The following CEP350 variants were observed in gnomAD, a reference collection of about 807,000 sequenced individuals.
CEP350 encodes centrosomal protein 350.
In CEP350, 126 loss-of-function variants were observed where a neutral mutation model predicts 331.8. The ratio of observed to expected loss-of-function variants is 0.38; its 90% confidence interval spans 0.33 to 0.44. The LOEUF is 0.44. CEP350 is among the 20% of genes least tolerant of loss of function. The pLI is 1.00. For synonymous variants in CEP350, 1,200 were observed against 1,259.5 expected (o/e 0.95, Z 1.00); for missense variants, 3,406 against 3,634.6 (o/e 0.94, Z 1.62).
At chr1:179,974,956 A>G (rs1281260685) in intron 1 of CEP350, among the ~76,000 whole-genome samples, 2 of 152,112 alleles carry the variant, frequency 1.3e-5, no homozygotes, top group East Asian at 3.9e-4. Context: ...GCACCACTGT[A>G]CTCCAGCCTG....
At chr1:180,083,355 T>A (rs187300971) in intron 30 of CEP350, among the ~76,000 whole-genome samples, 3 of 152,338 alleles carry the variant, frequency 2.0e-5, no homozygotes, top group Non-Finnish European at 4.4e-5. Flanking sequence ...TAATGAAATA[T>A]CTTTTTCATG....
At chr1:179,955,275 G>T in intron 1 of CEP350, 133 bp downstream of exon 1, 1 of 949,408 alleles carries the variant, frequency 1.1e-6, no homozygotes, top group Non-Finnish European at 1.3e-6. Context: ...CCTGCTTGGC[G>T]TCCCCCTCGG....
intron 3 of CEP350, among the ~76,000 whole-genome samples, chr1:179,989,133 A>G (rs1237233706): frequency 6.6e-6 from 1 of 152,044 alleles, no homozygotes; most frequent in African/African-American, 2.4e-5. Flanking sequence ...AATTATTCCA[A>G]TTTTTAAAAT....
At chr1:179,958,917 A>G (rs1185881226) in intron 1 of CEP350, among the ~76,000 whole-genome samples, 1 of 152,228 alleles carries the variant, frequency 6.6e-6, no homozygotes, top group Non-Finnish European at 1.5e-5. Flanking sequence ...AAAGGTCTAT[A>G]AGGATAGACA....
chr1:179,955,396 C>A (rs904706727), intron 1 of CEP350, among the ~76,000 whole-genome samples: 1 of 152,212 alleles, frequency 6.6e-6, no homozygotes, highest in African/African-American at 2.4e-5. Flanking sequence ...CCGCCTCCTC[C>A]ACCCCTCCTC....
chr1:180,048,598 A>G lies in CEP350; in HGVS notation c.4685A>G (p.Lys1562Arg). 6.2e-7 allele frequency: 1 copy of G among 1,610,830 alleles called. No individual in the cohort carries two copies. Among genetic ancestry groups the G allele is most frequent in the Non-Finnish European group, 8.5e-7 (1 of 1,177,054 alleles). ...PSVPSCKENE[K>R]KLNGEKIESS... is the part of the protein sequence containing the mutation. ...GTTCCATCTTGTAAGGAAAATGAGA[A>G]GAAACTTAATGGTGAAAAGATAGAG... The change falls in exon 22 of 38, where the codon AAG (lysine) becomes AGG (arginine). Residue 1562 changes from lysine to arginine, a missense_variant. Physicochemically the swap from Lys to Arg is conservative, Grantham distance 26. This residue lies in a region of CEP350 where 1,857 missense variants were observed against 1,909.2 expected (regional missense o/e 0.97). Coordinates refer to ENST00000367607, the MANE Select transcript of CEP350 (RefSeq NM_014810.5).
In CEP350 at chr1:180,065,320, T is replaced by C. The variant is rs376987020; in HGVS notation, c.5567+48T>C. 2.0e-5 allele frequency: 31 copies of C among 1,514,812 alleles called. No individual in the cohort carries two copies. In the African/African-American group the frequency reaches 3.6e-4, roughly 18 times the overall value. The allele number at this position is 1,514,812 out of a possible 1,614,324, so 93.8% of individuals were successfully genotyped here. Reference sequence around the variant, plus strand: ...TCTTGTTTAGTTACATTGAAAGTAGTACAACAAATAACATTTGTAATAATA... The same window carrying C: ...TCTTGTTTAGTTACATTGAAAGTAGCACAACAAATAACATTTGTAATAATA... On this transcript the variant is annotated intron_variant, in intron 27 of 37. Coordinates refer to ENST00000367607, the MANE Select transcript of CEP350 (RefSeq NM_014810.5).
At chr1:179,991,624 A>C in intron 4 of CEP350, among the ~76,000 whole-genome samples, 1 of 147,658 alleles carries the variant, frequency 6.8e-6, no homozygotes. Flanking sequence ...GAAAACCTCC[A>C]TGTCAGTACT....
chr1:179,984,619 C>CT (rs1425098351), intron 1 of CEP350, among the ~76,000 whole-genome samples: 33 of 152,274 alleles, frequency 2.2e-4, no homozygotes, highest in Admixed American at 1.0e-3. Flanking sequence ...AAATAAGTCT[C>CT]TAAGTCCCAC....
In CEP350 at chr1:180,037,810, C is replaced by T. The variant is rs112623910; in HGVS notation, c.4110+721C>T. Among the ~76,000 whole-genome samples, 821 of 152,094 alleles carry T rather than the reference C, an allele frequency of 5.4e-3. 12 individuals are homozygous for T. Among genetic ancestry groups the T allele is most frequent in the African/African-American group, 0.018 (764 of 41,466 alleles). ...GACTACAGGTGCCCGCCACAGTGCCCGGCTAATTTTTTGTATTTTTACTAG... is the reference window on the plus strand; with the variant it reads ...GACTACAGGTGCCCGCCACAGTGCCTGGCTAATTTTTTGTATTTTTACTAG... On this transcript the variant is annotated intron_variant, in intron 17 of 37. Coordinates refer to ENST00000367607, the MANE Select transcript of CEP350 (RefSeq NM_014810.5).
At chr1:180,044,934 A>G (rs998069112) in intron 21 of CEP350, among the ~76,000 whole-genome samples, 5 of 151,976 alleles carry the variant, frequency 3.3e-5, no homozygotes, top group Non-Finnish European at 7.4e-5. Flanking sequence ...CACATAAATA[A>G]TGATACATCA....
chr1:179,957,349 A>G (rs147796228), intron 1 of CEP350, among the ~76,000 whole-genome samples: 14 of 152,268 alleles, frequency 9.2e-5, no homozygotes, highest in South Asian at 2.1e-4. Flanking sequence ...GGCAAATTTT[A>G]GTGTTATAGT....
At chr1:180,110,962 G>A (rs1401440013) in intron 37 of CEP350, 35 bp from the exon 38 acceptor site, 10 of 1,581,694 alleles carry the variant, frequency 6.3e-6, no homozygotes, top group African/African-American at 1.3e-5. Context: ...TTGTATGACA[G>A]GAATTTTCTA....
intron 25 of CEP350, among the ~76,000 whole-genome samples, chr1:180,058,529 A>T (rs894605450): frequency 6.6e-6 from 1 of 152,202 alleles, no homozygotes; most frequent in African/African-American, 2.4e-5. Flanking sequence ...GCAAAAAACC[A>T]CATATAGAAA....
chr1:180,041,827 C>G (rs182112123), intron 19 of CEP350, 25 bp downstream of exon 19: 90 of 1,587,378 alleles, frequency 5.7e-5, no homozygotes, highest in Non-Finnish European at 7.0e-5. Flanking sequence ...GAACACTTCT[C>G]TTTTTACTTC....
chr1:179,980,512 T>C (rs965504612), intron 1 of CEP350, among the ~76,000 whole-genome samples: 1 of 152,098 alleles, frequency 6.6e-6, no homozygotes, highest in African/African-American at 2.4e-5. Context: ...CTTCCTCCTT[T>C]GCAATTTGGA....
intron 5 of CEP350, 61 bp from the exon 6 acceptor site, chr1:179,996,492 A>G (rs896151946): frequency 1.5e-5 from 18 of 1,213,280 alleles, no homozygotes; most frequent in African/African-American, 1.1e-4. Flanking sequence ...ACTCTTAGCA[A>G]TTTTCAAGTA....
chr1:180,070,473 C>T (rs887410193), intron 27 of CEP350, among the ~76,000 whole-genome samples: 6 of 151,984 alleles, frequency 3.9e-5, no homozygotes, highest in East Asian at 1.9e-4. Flanking sequence ...AATATTCCAA[C>T]GGAGAAAGAG....
At chr1:180,071,326 A>G (rs1191849941) in intron 27 of CEP350, among the ~76,000 whole-genome samples, 4 of 137,528 alleles carry the variant, frequency 2.9e-5, no homozygotes, top group African/African-American at 1.1e-4. Flanking sequence ...GGGCGTGGTG[A>G]TGCGCGCCTG....
Sources: allele counts gnomAD v4.1 joint callset (sites outside exome capture counted in the v4.1 genomes callset), GRCh38; gene constraint gnomAD v4.1.1; regional missense constraint gnomAD v4.1.1; transcripts MANE v1.5; gene names NCBI Gene and HGNC (gene_info 2026-07-23, HGNC 2026-07-21).